GSK3B: variants seen among roughly 807,000 people sequenced by gnomAD.
GSK3B encodes glycogen synthase kinase-3 beta.
A neutral mutation model predicts 56.4 loss-of-function variants in GSK3B; 15 were observed. That is an observed-to-expected ratio of 0.27 (90% CI 0.18 to 0.41). GSK3B has a LOEUF of 0.41. Ranked by LOEUF, GSK3B falls within the 10% of genes least tolerant of loss-of-function variation. The pLI, the probability that GSK3B is intolerant of heterozygous loss-of-function variation, is 1.00. For synonymous variants in GSK3B, 181 were observed against 188.9 expected (o/e 0.96, Z 0.34); for missense variants, 300 against 513.4 (o/e 0.58, Z 4.02).
chr3:119,870,726 T>C (rs1197063850), intron 8 of GSK3B, among the ~76,000 whole-genome samples: 4 of 152,164 alleles, frequency 2.6e-5, no homozygotes, highest in South Asian at 2.1e-4. Context: ...GTAGAGAACA[T>C]ACTATATGTA....
intron 1 of GSK3B, among the ~76,000 whole-genome samples, chr3:120,003,355 C>A (rs1472001047): frequency 6.6e-6 from 1 of 152,184 alleles, no homozygotes. Context: ...TATTATGCTA[C>A]CTAGTATCTG....
At chr3:119,924,108 G>A (rs1457121621) in intron 3 of GSK3B, among the ~76,000 whole-genome samples, 4 of 152,154 alleles carry the variant, frequency 2.6e-5, no homozygotes, top group African/African-American at 7.2e-5. Flanking sequence ...ATAAGGCAAC[G>A]TGTTACCATA....
At chr3:120,019,972 T>C (rs908512362) in intron 1 of GSK3B, among the ~76,000 whole-genome samples, 3 of 152,192 alleles carry the variant, frequency 2.0e-5, no homozygotes, top group Admixed American at 1.3e-4. Context: ...TTACTAAACT[T>C]ACTATGAAAA....
intron 1 of GSK3B, among the ~76,000 whole-genome samples, chr3:120,015,593 T>A (rs969761908): frequency 8.6e-6 from 1 of 116,758 alleles, no homozygotes; most frequent in Non-Finnish European, 1.6e-5. Context: ...GAGGTTGCAA[T>A]AAGCCAAGAT....
At chr3:119,939,498 C>A (rs768438695) in intron 3 of GSK3B, among the ~76,000 whole-genome samples, 1 of 151,990 alleles carries the variant, frequency 6.6e-6, no homozygotes, top group Non-Finnish European at 1.5e-5. Flanking sequence ...TTTGGTAAAC[C>A]CAGACAATAA....
At chr3:119,860,313 T>C (rs1007122980) in intron 9 of GSK3B, among the ~76,000 whole-genome samples, 1 of 152,118 alleles carries the variant, frequency 6.6e-6, no homozygotes, top group Admixed American at 6.5e-5. Context: ...CAGGAAGAAA[T>C]AGAAAGAAGG....
intron 1 of GSK3B, among the ~76,000 whole-genome samples, chr3:120,044,971 T>G (rs2058091341): frequency 6.6e-6 from 1 of 152,220 alleles, no homozygotes. Context: ...AAAAAGGTGG[T>G]TCAATAAATG....
intron 1 of GSK3B, 51 bp from the exon 2 acceptor site, chr3:120,002,290 T>C (rs920649915): frequency 2.8e-6 from 3 of 1,075,308 alleles, no homozygotes; most frequent in East Asian, 2.7e-5. Context: ...AGGAATTAAA[T>C]AGAGAAAACT....
chr3:120,029,417 A>T (rs1270021478), intron 1 of GSK3B: 1 of 745,158 alleles, frequency 1.3e-6, no homozygotes, highest in African/African-American at 1.7e-5. Flanking sequence ...CAAATATCTT[A>T]TGTTTTGTGG....
Position 120,094,181 on chromosome 3 carries a change from CG to C in GSK3B, c.-748del. ...GGCTCCTCGACTGTTCCCCATTCGC[CG>C]GGGACATGGGAACCCGGCAACCGCT... is the stretch of plus-strand genomic sequence containing the variant. On this transcript the variant is annotated 5_prime_UTR_variant, in exon 1 of 11. An upstream open reading frame in the 5' UTR gains an earlier in-frame stop. Coordinates refer to ENST00000264235, the MANE Select transcript of GSK3B (RefSeq NM_001146156.2). 1 of 228,186 alleles carries C rather than the reference CG, an allele frequency of 4.4e-6. No individual in the cohort carries two copies. Among genetic ancestry groups the C allele is most frequent in the Non-Finnish European group, 8.8e-6 (1 of 113,882 alleles). The allele number at this position is 228,186 out of a possible 1,614,324, so 14.1% of individuals were successfully genotyped here. A position where few individuals can be genotyped will look rare whatever the true frequency, so the allele number is the denominator to read the frequency against.
intron 6 of GSK3B, among the ~76,000 whole-genome samples, chr3:119,908,606 T>C (rs1201868220): frequency 1.3e-5 from 2 of 152,234 alleles, no homozygotes; most frequent in African/African-American, 2.4e-5. Flanking sequence ...TCCATTCATA[T>C]ATGCCATGTA....
At chr3:120,040,258 T>C (rs2058054364) in intron 1 of GSK3B, among the ~76,000 whole-genome samples, 1 of 152,170 alleles carries the variant, frequency 6.6e-6, no homozygotes, top group South Asian at 2.1e-4. Flanking sequence ...GCAGAGTGAG[T>C]GGGTCCTATC....
intron 2 of GSK3B, among the ~76,000 whole-genome samples, chr3:119,951,810 T>C (rs770395297): frequency 2.6e-5 from 4 of 151,704 alleles, no homozygotes; most frequent in Non-Finnish European, 5.9e-5. Context: ...ATTTTAAAAA[T>C]TAAAGAAAAA....
At chr3:119,862,306 T>C (rs529337788) in intron 9 of GSK3B, among the ~76,000 whole-genome samples, 70 of 124,850 alleles carry the variant, frequency 5.6e-4, no homozygotes, top group Non-Finnish European at 9.2e-4. Flanking sequence ...TTCTCACTCA[T>C]AGGTGGGAAT....
intron 1 of GSK3B, among the ~76,000 whole-genome samples, chr3:120,050,281 C>G (rs2058138214): frequency 6.6e-6 from 1 of 152,226 alleles, no homozygotes; most frequent in Non-Finnish European, 1.5e-5. Flanking sequence ...CCCACCAGGC[C>G]TCATCTCTTA....
chr3:119,939,425 A>AT (rs1474009958), intron 3 of GSK3B, among the ~76,000 whole-genome samples: 1 of 152,182 alleles, frequency 6.6e-6, no homozygotes, highest in Non-Finnish European at 1.5e-5. Flanking sequence ...CTGCCATGTT[A>AT]TATTAGGGAT....
rs1420943673 is a variant in GSK3B, at chr3:120,015,719, T to G, written c.89-13480A>C. Among the ~76,000 whole-genome samples, 4 of 140,012 alleles carry G rather than the reference T, an allele frequency of 2.9e-5. No individual in the cohort carries two copies. In the East Asian group the frequency reaches 6.7e-4, roughly 24 times the overall value. 91.9% of individuals were successfully genotyped at this position (140,012 alleles called of 152,430 possible). A position where few individuals can be genotyped will look rare whatever the true frequency, so the allele number is the denominator to read the frequency against. ...AATCATTTACATTTCCCATGTGCAC[T>G]AGGTTCAGCACAATGCAAATGCTCA... On this transcript the variant is annotated intron_variant, in intron 1 of 10. Coordinates refer to ENST00000264235, the MANE Select transcript of GSK3B (RefSeq NM_001146156.2).
chr3:119,964,925 C>A (rs1033753739), intron 2 of GSK3B, among the ~76,000 whole-genome samples: 5 of 151,814 alleles, frequency 3.3e-5, no homozygotes, highest in East Asian at 3.9e-4. Context: ...TTTAAATATA[C>A]CAATTATATC....
At chr3:119,987,186 G>C (rs1353024631) in intron 2 of GSK3B, among the ~76,000 whole-genome samples, 1 of 152,162 alleles carries the variant, frequency 6.6e-6, no homozygotes, top group Non-Finnish European at 1.5e-5. Flanking sequence ...GGGGATGAGG[G>C]ACTGCGGGGA....
Sources: allele counts gnomAD v4.1 joint callset (sites outside exome capture counted in the v4.1 genomes callset), GRCh38; gene constraint gnomAD v4.1.1; transcripts MANE v1.5; gene names NCBI Gene and HGNC (gene_info 2026-07-23, HGNC 2026-07-21).